TOX: variants seen among roughly 807,000 people sequenced by gnomAD.
TOX encodes the protein thymocyte selection-associated high mobility group box protein TOX.
A neutral mutation model predicts 53.7 loss-of-function variants in TOX; 11 were observed. That is an observed-to-expected ratio of 0.20 (90% CI 0.13 to 0.34). The LOEUF is 0.34. Ranked by LOEUF, TOX falls within the 10% of genes least tolerant of loss-of-function variation. The pLI is 1.00. For missense variants in TOX, 570 were observed against 664.6 expected, an observed-to-expected ratio of 0.86 and a Z score of 1.56; for synonymous variants, 225 against 245.3, an observed-to-expected ratio of 0.92 and a Z score of 0.77.
At chr8:58,953,623 A>G (rs1585921440) in intron 2 of TOX, among the ~76,000 whole-genome samples, 1 of 152,204 alleles carries the variant, frequency 6.6e-6, no homozygotes, top group Non-Finnish European at 1.5e-5. Flanking sequence ...GTTACACTGA[A>G]GACTGGTTTG....
chr8:59,094,313 G>C (rs1804674042), intron 1 of TOX, among the ~76,000 whole-genome samples: 1 of 152,018 alleles, frequency 6.6e-6, no homozygotes, highest in Non-Finnish European at 1.5e-5. Flanking sequence ...GTAAAAATTA[G>C]TATGAGTATT....
At chr8:58,979,188 C>T (rs1165951031) in intron 1 of TOX, among the ~76,000 whole-genome samples, 1 of 152,180 alleles carries the variant, frequency 6.6e-6, no homozygotes, top group Non-Finnish European at 1.5e-5. Flanking sequence ...CATAAAGAGG[C>T]AATGCCACAA....
At chr8:59,109,727 G>T (rs1315795034) in intron 1 of TOX, among the ~76,000 whole-genome samples, 1 of 151,964 alleles carries the variant, frequency 6.6e-6, no homozygotes, top group African/African-American at 2.4e-5. Flanking sequence ...TTAAAACTTC[G>T]CAGTGAAAAA....
chr8:58,941,940 C>G (rs180918865), intron 2 of TOX, among the ~76,000 whole-genome samples: 93 of 151,670 alleles, frequency 6.1e-4, no homozygotes, highest in Non-Finnish European at 1.0e-3. Context: ...GTAGTCCCAG[C>G]TACTCGGGAG....
At chr8:59,033,117 C>A (rs1363329336) in intron 1 of TOX, among the ~76,000 whole-genome samples, 1 of 152,142 alleles carries the variant, frequency 6.6e-6, no homozygotes, top group Non-Finnish European at 1.5e-5. Context: ...ATTTGGATAT[C>A]TCTCTTAAGA....
intron 1 of TOX, among the ~76,000 whole-genome samples, chr8:58,995,633 C>T (rs1813546845): frequency 6.6e-6 from 1 of 152,148 alleles, no homozygotes. Context: ...GTGAGAAATA[C>T]ACACAAAAGT....
At chr8:59,102,540 T>C (rs1804824628) in intron 1 of TOX, among the ~76,000 whole-genome samples, 1 of 151,986 alleles carries the variant, frequency 6.6e-6, no homozygotes, top group Non-Finnish European at 1.5e-5. Flanking sequence ...AAACTCCCGT[T>C]TTTAAAACCA....
At chr8:58,878,532 TAATC>T (rs1811325396) in intron 3 of TOX, among the ~76,000 whole-genome samples, 1 of 152,174 alleles carries the variant, frequency 6.6e-6, no homozygotes, top group Non-Finnish European at 1.5e-5. Context: ...AATAGAGAAA[TAATC>T]AGTCAAGCTC....
chr8:59,093,399 G>A (rs1804659355), intron 1 of TOX, among the ~76,000 whole-genome samples: 1 of 152,176 alleles, frequency 6.6e-6, no homozygotes, highest in Non-Finnish European at 1.5e-5. Context: ...GGTGGTGGTA[G>A]GTGCTCAGTT....
chr8:58,935,879 T>C (rs1039695283), intron 3 of TOX, among the ~76,000 whole-genome samples: 1 of 152,188 alleles, frequency 6.6e-6, no homozygotes, highest in East Asian at 1.9e-4. Flanking sequence ...ATGTAAAATA[T>C]GAAAAGACAA....
intron 5 of TOX, among the ~76,000 whole-genome samples, chr8:58,829,083 G>A (rs1017770628): frequency 2.0e-5 from 3 of 152,152 alleles, no homozygotes; most frequent in Admixed American, 1.3e-4. Context: ...AGTTGTGGCA[G>A]ATAAGACAGT....
At chr8:58,812,773 A>T (rs893869874) in intron 7 of TOX, among the ~76,000 whole-genome samples, 2 of 152,196 alleles carry the variant, frequency 1.3e-5, no homozygotes, top group African/African-American at 4.8e-5. Context: ...AGTGCCTACC[A>T]CATGTTAGGG....
intron 1 of TOX, among the ~76,000 whole-genome samples, chr8:59,024,498 G>A (rs1163021832): frequency 1.3e-5 from 2 of 152,124 alleles, no homozygotes; most frequent in Admixed American, 6.5e-5. Context: ...TTAAGAGTAG[G>A]TATTTTAAAA....
At chr8:59,002,179 G>A (rs1813701123) in intron 1 of TOX, among the ~76,000 whole-genome samples, 1 of 150,726 alleles carries the variant, frequency 6.6e-6, no homozygotes, top group Non-Finnish European at 1.5e-5. Flanking sequence ...TCACCATGTT[G>A]GTAAGGCTGG....
rs114641904 is a variant in TOX, at chr8:59,077,048, G to A, written c.102+41838C>T. Among the ~76,000 whole-genome samples, 144 of 152,356 alleles carry A rather than the reference G, an allele frequency of 9.5e-4. 1 individual carries two copies. The highest frequency in any genetic ancestry group is 3.1e-3 in the African/African-American group (128 of 41,580). ...TTTTACTGAAAATATTGAAGGCAGC[G>A]GAGTGAACAAGCTGGGGTAACCCAG... is the stretch of plus-strand genomic sequence containing the variant. On this transcript the variant is annotated intron_variant, in intron 1 of 8. Coordinates refer to ENST00000361421, the MANE Select transcript of TOX (RefSeq NM_014729.3).
intron 3 of TOX, among the ~76,000 whole-genome samples, chr8:58,861,689 G>T (rs573768535): frequency 6.6e-6 from 1 of 152,102 alleles, no homozygotes; most frequent in African/African-American, 2.4e-5. Flanking sequence ...TGGGAGTAGC[G>T]GATCACTTAC....
chr8:58,877,513 T>C (rs559000636), intron 3 of TOX, among the ~76,000 whole-genome samples: 2 of 152,332 alleles, frequency 1.3e-5, no homozygotes, highest in South Asian at 4.1e-4. Context: ...AAATAGAGAC[T>C]CAACAAGACT....
At chr8:59,023,347 G>GAGACTACCTTTATTAAAAACCATTATAAA (rs1814172166) in intron 1 of TOX, among the ~76,000 whole-genome samples, 1 of 152,108 alleles carries the variant, frequency 6.6e-6, no homozygotes, top group South Asian at 2.1e-4. Context: ...AATACCTGAA[G>GAGACTACCTTTATTAAAAACCATTATAAA]GTACTCTATG....
chr8:58,913,575 C>T (rs887366875), intron 3 of TOX, among the ~76,000 whole-genome samples: 2 of 152,062 alleles, frequency 1.3e-5, no homozygotes, highest in Middle Eastern at 3.2e-3. Flanking sequence ...CCTGTGGGGT[C>T]GTGGTAAAGT....
Sources: gnomAD v4.1 joint callset for allele counts (sites outside exome capture counted in the v4.1 genomes callset) on GRCh38, gnomAD v4.1.1 for gene constraint, MANE v1.5 for transcripts, NCBI Gene and HGNC (gene_info 2026-07-23, HGNC 2026-07-21) for gene names.